CTNNB1: variants seen among roughly 807,000 people sequenced by gnomAD.
CTNNB1 encodes catenin beta-1.
Under a neutral mutation model 82.5 loss-of-function variants are expected in CTNNB1, and 6 were observed. The observed-to-expected ratio is 0.07, with a 90% CI of 0.04 to 0.14. The LOEUF is 0.14. Among genes scored for constraint, CTNNB1 ranks in the 10% least tolerant of loss-of-function variants. The pLI is 1.00. For missense variants in CTNNB1, 529 were observed against 980.4 expected (o/e 0.54, Z 6.15); for synonymous variants, 312 against 329.7 (o/e 0.95, Z 0.58).
chr3:41,230,106 A>G (rs1239012785), intron 7 of CTNNB1, among the ~76,000 whole-genome samples: 1 of 152,142 alleles, frequency 6.6e-6, no homozygotes, highest in Non-Finnish European at 1.5e-5. Context: ...ATTGAGAGTA[A>G]TTTTACTTGG....
intron 1 of CTNNB1, among the ~76,000 whole-genome samples, chr3:41,202,853 A>G (rs1419860037): frequency 1.3e-5 from 2 of 152,168 alleles, no homozygotes; most frequent in Non-Finnish European, 1.5e-5. Context: ...TTACTTAAGA[A>G]TGCTGCTTTT....
Position 41,225,623 on chromosome 3 carries a change from C to CA in CTNNB1, c.735-36dup. 2.5e-6 allele frequency: 4 copies of CA among 1,613,686 alleles called. No individual in the cohort carries two copies. The highest frequency in any genetic ancestry group is 2.2e-5 in the South Asian group (2 of 91,072). ...AAGCTAAAAAGTAGAAGAGTATACT[C>CA]ACAATATTTCTGATGAGGCTTTTTT... On this transcript the variant is annotated intron_variant, in intron 5 of 14. Transcript: ENST00000349496. The surrounding 1 kb of genome is among the most constrained non-coding windows in gnomAD (Gnocchi z 5.3).
chr3:41,237,348 A>G (rs1423694320), intron 13 of CTNNB1: 1 of 151,484 alleles, frequency 6.6e-6, no homozygotes, highest in Admixed American at 6.6e-5. Flanking sequence ...ATGGAGATGG[A>G]TGCCTATAGT....
intron 10 of CTNNB1, chr3:41,234,623 CTG>C (rs1385891750): frequency 1.4e-5 from 5 of 363,820 alleles, no homozygotes; most frequent in Admixed American, 4.1e-5. Flanking sequence ...GAGATCAAAT[CTG>C]TGTAATTTCA....
Position 41,206,238 on chromosome 3 carries a change from T to G in CTNNB1, c.-49+6568T>G, listed in dbSNP as rs556370670. Among the ~76,000 whole-genome samples, 5 of 152,316 alleles carry G rather than the reference T, an allele frequency of 3.3e-5. No individual in the cohort carries two copies. The South Asian group carries it at 1.0e-3, about 32-fold the overall frequency. On this transcript the variant is annotated intron_variant, in intron 1 of 14. Coordinates refer to ENST00000349496, the MANE Select transcript of CTNNB1 (RefSeq NM_001904.4). ...CTTGGGGGGTATTTTTAACCTACTT[T>G]AAGTTAGTTCAAGTTAATCAGTCTA...
Position 41,225,963 on chromosome 3 carries a change from G to GT in CTNNB1, c.936+105dup. 5 of 1,102,826 alleles carry GT rather than the reference G, an allele frequency of 4.5e-6. No homozygotes were observed. The highest frequency in any genetic ancestry group is 6.7e-6 in the Non-Finnish European group (5 of 740,798). 68.3% of individuals were successfully genotyped at this position (1,102,826 alleles called of 1,614,324 possible). A position where few individuals can be genotyped will look rare whatever the true frequency, so the allele number is the denominator to read the frequency against. On this transcript the variant is annotated intron_variant, in intron 6 of 14. Coordinates refer to ENST00000349496, the MANE Select transcript of CTNNB1 (RefSeq NM_001904.4). The surrounding 1 kb of genome is among the most constrained non-coding windows in gnomAD (Gnocchi z 5.3). ...CTAACCTTTTTGGCACCAGGGACCA[G>GT]TTTCGTGGAAAACAGTTTTTCCATG...
rs2078164986 is a variant in CTNNB1 at position 41,225,937 on chromosome 3, C to G, written c.936+76C>G. ...GTGTCATGTCATTCCATGCAGTGTT[C>G]CTAACCTTTTTGGCACCAGGGACCA... is the stretch of plus-strand genomic sequence containing the variant. On this transcript the variant is annotated intron_variant, in intron 6 of 14. Coordinates refer to ENST00000349496, the MANE Select transcript of CTNNB1 (RefSeq NM_001904.4). This position sits in a 1 kb window ranked among gnomAD's most constrained non-coding sequence, Gnocchi z 5.3. 22 of 1,418,676 alleles carry G rather than the reference C, an allele frequency of 1.6e-5. No individual in the cohort carries two copies. In the South Asian group the frequency reaches 2.3e-4, roughly 15 times the overall value. 87.9% of individuals were successfully genotyped at this position (1,418,676 alleles called of 1,614,324 possible).
At chr3:41,201,179 A>G (rs1474844303) in intron 1 of CTNNB1, among the ~76,000 whole-genome samples, 3 of 152,196 alleles carry the variant, frequency 2.0e-5, no homozygotes, top group Non-Finnish European at 4.4e-5. Context: ...GTTGACTTGT[A>G]TTCATCCTAA....
intron 7 of CTNNB1, among the ~76,000 whole-genome samples, chr3:41,227,778 T>C (rs1239011211): frequency 1.3e-5 from 2 of 152,168 alleles, no homozygotes; most frequent in African/African-American, 4.8e-5. Flanking sequence ...AGGCTTGTTA[T>C]ATAGGTAAAT....
In CTNNB1 at chr3:41,239,901, A is replaced by AC. The variant is rs1278757412; in HGVS notation, c.*562dup. ...TGGATCACAAGATGGAATTTATCAA[A>AC]CCCTAGCCTTGCTTGTTAAATTTTT... On this transcript the variant is annotated 3_prime_UTR_variant, in exon 15 of 15. Coordinates refer to ENST00000349496, the MANE Select transcript of CTNNB1 (RefSeq NM_001904.4). 2 of 212,806 alleles carry AC rather than the reference A, an allele frequency of 9.4e-6. No homozygotes were observed. The highest frequency in any genetic ancestry group is 2.3e-5 in the African/African-American group (1 of 43,668). 13.2% of individuals were successfully genotyped at this position (212,806 alleles called of 1,614,324 possible).
intron 1 of CTNNB1, among the ~76,000 whole-genome samples, chr3:41,215,213 TAAAAAAAA>T (rs10576683): frequency 8.0e-4 from 61 of 76,168 alleles, no homozygotes; most frequent in African/African-American, 2.7e-3. Context: ...CTGTCTCCAT[TAAAAAAAA>T]AAAAAAAAAA....
At chr3:41,201,818 A>G (rs1195209011) in intron 1 of CTNNB1, among the ~76,000 whole-genome samples, 2 of 152,154 alleles carry the variant, frequency 1.3e-5, no homozygotes, top group Admixed American at 1.3e-4. Flanking sequence ...CCAACATGAT[A>G]TAGAAAAGTG....
At position 41,225,342 on chromosome 3, in the gene CTNNB1, T is replaced by G. The variant is rs1393728918; in HGVS notation, c.504T>G (p.Val168=). ...KLLNDEDQVV[V]NKAAVMVHQL... ...GAATTCCTGTATTACAGGTGGTGGT[T>G]AATAAGGCTGCAGTTATGGTCCATC... Residue 168 remains valine, a synonymous_variant, in exon 5 of 15, where the codon GTT becomes GTG. Coordinates refer to ENST00000349496, the MANE Select transcript of CTNNB1 (RefSeq NM_001904.4). The surrounding 1 kb of genome is among the most constrained non-coding windows in gnomAD (Gnocchi z 5.3). The G allele has an allele frequency of 6.2e-7, 1 of 1,613,942 alleles. No homozygotes were observed. The highest frequency in any genetic ancestry group is 1.3e-5 in the African/African-American group (1 of 74,934).
At chr3:41,228,879 T>A (rs2078238478) in intron 7 of CTNNB1, among the ~76,000 whole-genome samples, 1 of 152,234 alleles carries the variant, frequency 6.6e-6, no homozygotes, top group Non-Finnish European at 1.5e-5. Context: ...AAGTCTTTAA[T>A]CCATTCTGAG....
At chr3:41,200,682 C>T (rs1016179198) in intron 1 of CTNNB1, among the ~76,000 whole-genome samples, 3 of 152,212 alleles carry the variant, frequency 2.0e-5, no homozygotes, top group Non-Finnish European at 4.4e-5. Context: ...TCAAGCATTG[C>T]AACTTCTTTC....
intron 1 of CTNNB1, chr3:41,210,990 A>C (rs1390081121): frequency 2.2e-6 from 1 of 456,108 alleles, no homozygotes. Flanking sequence ...ACAGGGTCTC[A>C]CTCTGTTGCC....
intron 7 of CTNNB1, among the ~76,000 whole-genome samples, chr3:41,229,575 T>C (rs2078256147): frequency 6.6e-6 from 1 of 152,156 alleles, no homozygotes. Context: ...GAAACTTTGC[T>C]GAAGTTTATT....
At chr3:41,224,412 C>T in intron 2 of CTNNB1, 114 bp from the exon 3 acceptor site, 1 of 1,138,134 alleles carries the variant, frequency 8.8e-7, no homozygotes, top group Non-Finnish European at 1.3e-6. Context: ...GGCTGTCTTT[C>T]AGATTTGACT....
At chr3:41,217,308 A>T (rs2077938375) in intron 1 of CTNNB1, among the ~76,000 whole-genome samples, 3 of 152,174 alleles carry the variant, frequency 2.0e-5, no homozygotes, top group African/African-American at 7.2e-5. Context: ...AAACTTGTTT[A>T]TTAGTATTTC....
Sources: gnomAD v4.1 joint callset for allele counts (sites outside exome capture counted in the v4.1 genomes callset) on GRCh38, gnomAD v4.1.1 for gene constraint, Gnocchi (gnomAD v3.1) non-coding constraint, MANE v1.5 for transcripts, NCBI Gene and HGNC (gene_info 2026-07-23, HGNC 2026-07-21) for gene names.